MAGI2: variants seen among roughly 807,000 people sequenced by gnomAD.
MAGI2 encodes the protein membrane-associated guanylate kinase, WW and PDZ domain-containing protein 2.
A neutral mutation model predicts 133.3 loss-of-function variants in MAGI2; 35 were observed. The observed-to-expected ratio is 0.26, with a 90% CI of 0.20 to 0.35. MAGI2 has a LOEUF of 0.35. Among genes scored for constraint, MAGI2 ranks in the 10% least tolerant of loss-of-function variants. The probability of loss-of-function intolerance (pLI) is 1.00; values close to 1 mark genes in which losing one functional copy is unlikely to be tolerated. For missense variants in MAGI2, 1,636 were observed against 1,863.4 expected (o/e 0.88, Z 2.25); for synonymous variants, 729 against 710.6 (o/e 1.03, Z -0.41).
At chr7:78,982,846 A>G (rs932016941) in intron 2 of MAGI2, among the ~76,000 whole-genome samples, 4 of 151,896 alleles carry the variant, frequency 2.6e-5, no homozygotes, top group Admixed American at 6.6e-5. Flanking sequence ...GAGGATGAAA[A>G]TGGAAAGGAG....
intron 16 of MAGI2, among the ~76,000 whole-genome samples, chr7:78,146,397 T>C (rs1823310034): frequency 6.6e-6 from 1 of 152,126 alleles, no homozygotes; most frequent in Non-Finnish European, 1.5e-5. Context: ...GAAATATCTT[T>C]AGTAATTTTT....
chr7:79,339,448 GTTTGTT>G (rs1309555808), intron 1 of MAGI2, among the ~76,000 whole-genome samples: 1 of 132,800 alleles, frequency 7.5e-6, no homozygotes, highest in Non-Finnish European at 1.6e-5. Flanking sequence ...TTACAGGTTT[GTTTGTT>G]TTTGTTTTTG....
At chr7:78,662,436 T>TATA (rs1044784975) in intron 2 of MAGI2, among the ~76,000 whole-genome samples, 6 of 152,232 alleles carry the variant, frequency 3.9e-5, no homozygotes, top group Non-Finnish European at 8.8e-5. Context: ...TTAAGGTCTA[T>TATA]ATAAATTCTA....
chr7:78,564,950 C>T (rs577424406), intron 3 of MAGI2, among the ~76,000 whole-genome samples: 207 of 151,652 alleles, frequency 1.4e-3, no homozygotes, highest in Non-Finnish European at 2.2e-3. Context: ...CCCGCCACCA[C>T]GCCCAGCTAA....
At chr7:78,054,689 G>T (rs1357944171) in intron 21 of MAGI2, among the ~76,000 whole-genome samples, 3 of 146,880 alleles carry the variant, frequency 2.0e-5, no homozygotes, top group African/African-American at 2.5e-5. Context: ...ACAGGGTCTT[G>T]CTCTCTGTCA....
chr7:78,467,301 C>A (rs1790733227), intron 6 of MAGI2, among the ~76,000 whole-genome samples: 1 of 152,052 alleles, frequency 6.6e-6, no homozygotes, highest in Admixed American at 6.6e-5. Flanking sequence ...TATGCCTTGG[C>A]CCCTGTAATC....
chr7:78,284,396 T>C (rs1465120406), intron 9 of MAGI2, among the ~76,000 whole-genome samples: 1 of 152,048 alleles, frequency 6.6e-6, no homozygotes, highest in African/African-American at 2.4e-5. Flanking sequence ...CACTCCTCTC[T>C]GCTTCACCTA....
At chr7:78,790,707 T>C (rs1262835748) in intron 2 of MAGI2, among the ~76,000 whole-genome samples, 2 of 152,110 alleles carry the variant, frequency 1.3e-5, no homozygotes, top group Non-Finnish European at 2.9e-5. Flanking sequence ...GTGCTGGGAT[T>C]AGAGGTGTGA....
intron 11 of MAGI2, among the ~76,000 whole-genome samples, chr7:78,199,808 A>C (rs1352483615): frequency 2.6e-5 from 4 of 152,224 alleles, no homozygotes; most frequent in Admixed American, 2.6e-4. Context: ...CTGACTATGC[A>C]TGTAATTACA....
chr7:79,251,179 A>G (rs892680606), intron 1 of MAGI2, among the ~76,000 whole-genome samples: 2 of 152,178 alleles, frequency 1.3e-5, no homozygotes, highest in Non-Finnish European at 2.9e-5. Flanking sequence ...GGACTTGGCA[A>G]CAATTTTTTT....
At chr7:78,344,991 A>C (rs1790752679) in intron 8 of MAGI2, among the ~76,000 whole-genome samples, 1 of 152,220 alleles carries the variant, frequency 6.6e-6, no homozygotes, top group African/African-American at 2.4e-5. Context: ...TATTTTTAAC[A>C]GCCAAATTGT....
At chr7:78,783,012 CT>C (rs11432048) in intron 2 of MAGI2, among the ~76,000 whole-genome samples, 2,243 of 96,204 alleles carry the variant, frequency 0.023, 29 homozygotes, top group African/African-American at 0.048. Flanking sequence ...TGATTCTTAC[CT>C]TTTTTTTTTT....
chr7:78,432,627 C>G (rs1562987006), intron 6 of MAGI2, among the ~76,000 whole-genome samples: 1 of 152,012 alleles, frequency 6.6e-6, no homozygotes, highest in Non-Finnish European at 1.5e-5. Context: ...ACCTCTGGTA[C>G]AACTACTGAG....
At chr7:79,037,029 A>G (rs1403296983) in intron 1 of MAGI2, among the ~76,000 whole-genome samples, 1 of 152,232 alleles carries the variant, frequency 6.6e-6, no homozygotes, top group Non-Finnish European at 1.5e-5. Context: ...ATAAAACTTT[A>G]CATTGACACT....
At chr7:78,184,770 C>T (rs910325232) in intron 13 of MAGI2, 9 of 152,198 alleles carry the variant, frequency 5.9e-5, no homozygotes, top group South Asian at 2.1e-4. Flanking sequence ...AATAAAATTT[C>T]CTTTTAAGCA....
chr7:79,223,704 A>C (rs1212133224), intron 1 of MAGI2, among the ~76,000 whole-genome samples: 1 of 152,018 alleles, frequency 6.6e-6, no homozygotes. Flanking sequence ...AGTTTAAGCA[A>C]TTTATCATAG....
At chr7:78,084,408 C>A (rs140681210) in intron 20 of MAGI2, among the ~76,000 whole-genome samples, 1 of 152,210 alleles carries the variant, frequency 6.6e-6, no homozygotes, top group Non-Finnish European at 1.5e-5. Context: ...AGTAGGCCCT[C>A]GGTTAATCAC....
chr7:78,855,011 C>T (rs1468368027), intron 2 of MAGI2, among the ~76,000 whole-genome samples: 1 of 143,204 alleles, frequency 7.0e-6, no homozygotes, highest in African/African-American at 2.6e-5. Context: ...TACCACGACG[C>T]CCAGCAAATT....
chr7:78,581,844 G>A (rs1226434525), intron 3 of MAGI2, among the ~76,000 whole-genome samples: 1 of 152,140 alleles, frequency 6.6e-6, no homozygotes, highest in Non-Finnish European at 1.5e-5. Flanking sequence ...GGCAAAGGGA[G>A]TATGAACTAA....
Sources: allele counts gnomAD v4.1 joint callset (sites outside exome capture counted in the v4.1 genomes callset), GRCh38; gene constraint gnomAD v4.1.1; transcripts MANE v1.5; gene names NCBI Gene and HGNC (gene_info 2026-07-23, HGNC 2026-07-21).